TNFRSF19: variants seen among roughly 807,000 people sequenced by gnomAD.
TNFRSF19 encodes the protein tumor necrosis factor receptor superfamily member 19.
Under a neutral mutation model 46.4 loss-of-function variants are expected in TNFRSF19, and 27 were observed. That is an observed-to-expected ratio of 0.58 (90% CI 0.43 to 0.80). TNFRSF19 has a LOEUF of 0.80. Ranked by LOEUF, TNFRSF19 falls within the 30% of genes least tolerant of loss-of-function variation. TNFRSF19 has a pLI of 0.00. For synonymous variants in TNFRSF19, 204 were observed against 205.0 expected, an observed-to-expected ratio of 1.00 and a Z score of 0.04; for missense variants, 511 against 530.8, an observed-to-expected ratio of 0.96 and a Z score of 0.37.
rs1951699438 is a variant in TNFRSF19 at position 23,668,796 on chromosome 13, T to C, written c.944T>C (p.Met315Thr). ...GCCTGGCCTCTGATGCAGAATCCCA[T>C]GGGTGGTGACAACATCTCTTTTTGT... ...SDAWPLMQNPMGGDNISFCDS... is the reference protein window; with the variant it reads ...SDAWPLMQNPTGGDNISFCDS... Residue 315 changes from methionine (M) to threonine (T), a missense_variant, in exon 9 of 10, where the codon ATG (methionine) becomes ACG (threonine). Around this residue, in one of 3 missense-constraint regions of TNFRSF19, gnomAD observed 376 missense variants for 372.7 expected, o/e 1.01. Transcript: ENST00000248484. 2 of 1,614,244 alleles carry C rather than the reference T, an allele frequency of 1.2e-6. No individual in the cohort carries two copies.
intron 1 of TNFRSF19, among the ~76,000 whole-genome samples, chr13:23,575,107 C>T (rs879745298): frequency 6.6e-6 from 1 of 152,224 alleles, no homozygotes; most frequent in Non-Finnish European, 1.5e-5. Flanking sequence ...GGCTGCTGCC[C>T]AGCCAGCCTG....
At chr13:23,626,126 C>T (rs1445730469) in intron 4 of TNFRSF19, among the ~76,000 whole-genome samples, 1 of 151,430 alleles carries the variant, frequency 6.6e-6, no homozygotes, top group African/African-American at 2.4e-5. Flanking sequence ...TTTGTTTGCC[C>T]GTTACCTATT....
intron 2 of TNFRSF19, among the ~76,000 whole-genome samples, chr13:23,591,664 C>T (rs11842251): frequency 0.26 from 38,645 of 150,348 alleles, 5,506 homozygotes; most frequent in African/African-American, 0.37. Context: ...AACTGCAAGA[C>T]TGGGAGTTGA....
chr13:23,640,786 C>A (rs372436650), intron 5 of TNFRSF19, among the ~76,000 whole-genome samples: 1 of 152,156 alleles, frequency 6.6e-6, no homozygotes, highest in African/African-American at 2.4e-5. Flanking sequence ...GTGAGGGAGA[C>A]CATTTGAATG....
chr13:23,671,449 C>T (rs1237326043), intron 9 of TNFRSF19, among the ~76,000 whole-genome samples: 3 of 151,856 alleles, frequency 2.0e-5, no homozygotes, highest in Non-Finnish European at 2.9e-5. Flanking sequence ...GATTTTTCCC[C>T]TATAATAGTG....
At chr13:23,633,074 A>C (rs1430458868) in intron 5 of TNFRSF19, among the ~76,000 whole-genome samples, 1 of 150,778 alleles carries the variant, frequency 6.6e-6, no homozygotes, top group African/African-American at 2.4e-5. Flanking sequence ...GACCCCAAAA[A>C]GGGGTGCAGG....
intron 5 of TNFRSF19, among the ~76,000 whole-genome samples, chr13:23,648,587 G>C (rs1883459588): frequency 6.6e-6 from 1 of 152,018 alleles, no homozygotes; most frequent in Non-Finnish European, 1.5e-5. Flanking sequence ...TCTTTTTCTT[G>C]AGTAATTTCT....
intron 4 of TNFRSF19, among the ~76,000 whole-genome samples, chr13:23,621,542 C>T (rs1427746666): frequency 1.3e-5 from 2 of 152,186 alleles, no homozygotes; most frequent in Non-Finnish European, 2.9e-5. Context: ...AAAACCGGAG[C>T]TGTTCTATGG....
intron 3 of TNFRSF19, among the ~76,000 whole-genome samples, chr13:23,596,441 T>TGCAATCCTAGTCTCC (rs1879732536): frequency 6.6e-6 from 1 of 152,142 alleles, no homozygotes; most frequent in Non-Finnish European, 1.5e-5. Flanking sequence ...AAGCAGGGGT[T>TGCAATCCTAGTCTCC]GCAATCCTAG....
chr13:23,575,356 A>G (rs1250827596), intron 1 of TNFRSF19, among the ~76,000 whole-genome samples: 3 of 152,166 alleles, frequency 2.0e-5, no homozygotes, highest in African/African-American at 7.2e-5. Flanking sequence ...TGGGTTTTTC[A>G]TATATATTGG....
At chr13:23,651,893 T>TAAAAAAAAAA (rs34023907) in intron 5 of TNFRSF19, among the ~76,000 whole-genome samples, 3 of 9,964 alleles carry the variant, frequency 3.0e-4, no homozygotes, top group East Asian at 3.5e-3. Context: ...CATAACATGC[T>TAAAAAAAAAA]AAAAAAAAAA....
intron 5 of TNFRSF19, among the ~76,000 whole-genome samples, chr13:23,650,991 T>A (rs1883594561): frequency 1.3e-5 from 2 of 152,136 alleles, no homozygotes; most frequent in African/African-American, 2.4e-5. Flanking sequence ...TAGTGGTAGA[T>A]CTGGAATTTG....
chr13:23,611,429 C>T (rs1432092427), intron 3 of TNFRSF19, among the ~76,000 whole-genome samples: 1 of 152,154 alleles, frequency 6.6e-6, no homozygotes, highest in Non-Finnish European at 1.5e-5. Flanking sequence ...AGGATTCTTG[C>T]TGAAGACAGG....
intron 4 of TNFRSF19, among the ~76,000 whole-genome samples, chr13:23,618,911 C>T (rs118025063): frequency 0.018 from 2,774 of 152,258 alleles, 38 homozygotes; most frequent in Non-Finnish European, 0.03. Context: ...GGAATTTGTT[C>T]CTTTTTTATT....
chr13:23,624,482 G>A lies in TNFRSF19; in HGVS notation c.360-2225G>A, dbSNP rs187938597. 1.1e-4 allele frequency among the ~76,000 whole-genome samples: 17 copies of A among 152,088 alleles called. 1 individual carries two copies. Among genetic ancestry groups the A allele is most frequent in the Admixed American group, 1.1e-3 (17 of 15,274 alleles). On this transcript the variant is annotated intron_variant, in intron 4 of 9. Coordinates refer to ENST00000248484, the MANE Select transcript of TNFRSF19 (RefSeq NM_148957.4). ...AATTTCTGAATGTATCTGGGCATTT[G>A]AGATAACTTACCTAGTTTCAAATGC...
intron 7 of TNFRSF19, among the ~76,000 whole-genome samples, chr13:23,663,113 T>C: frequency 6.6e-6 from 1 of 152,248 alleles, no homozygotes; most frequent in Non-Finnish European, 1.5e-5. Context: ...AGGGGAATGC[T>C]TCCAGCTTTT....
chr13:23,628,725 T>C (rs1160224266), intron 5 of TNFRSF19, among the ~76,000 whole-genome samples: 1 of 152,154 alleles, frequency 6.6e-6, no homozygotes, highest in Non-Finnish European at 1.5e-5. Context: ...ACTAATTTAG[T>C]GTTGGGTGAA....
At position 23,675,906 on chromosome 13, in the gene TNFRSF19, T is replaced by A. The variant is rs888152036; in HGVS notation, c.*2526T>A. 1.3e-5 allele frequency: 2 copies of A among 152,254 alleles called. No individual in the cohort carries two copies. Among genetic ancestry groups the A allele is most frequent in the Non-Finnish European group, 2.9e-5 (2 of 68,040 alleles). 9.4% of individuals were successfully genotyped at this position (152,254 alleles called of 1,614,324 possible). ...GTGTTAATATTGCTATTACCTAGGT[T>A]AAGCACTATTGTCTGTGCTAGTAAG... On this transcript the variant is annotated 3_prime_UTR_variant, in exon 10 of 10. Coordinates refer to ENST00000248484, the MANE Select transcript of TNFRSF19 (RefSeq NM_148957.4).
intron 1 of TNFRSF19, among the ~76,000 whole-genome samples, chr13:23,578,756 G>C (rs1309268754): frequency 6.6e-6 from 1 of 152,260 alleles, no homozygotes; most frequent in Admixed American, 6.5e-5. Context: ...TGCCCAGTGA[G>C]TCCCCGGCCC....
Sources: gnomAD v4.1 joint callset for allele counts (sites outside exome capture counted in the v4.1 genomes callset) on GRCh38, gnomAD v4.1.1 for gene constraint, gnomAD v4.1.1 regional missense constraint, MANE v1.5 for transcripts, NCBI Gene and HGNC (gene_info 2026-07-23, HGNC 2026-07-21) for gene names.